AGFG1: variants seen among roughly 807,000 people sequenced by gnomAD.
The protein encoded by AGFG1 is ArfGAP with FG repeats 1, also known as arf-GAP domain and FG repeat-containing protein 1.
In AGFG1, 10 loss-of-function variants were observed where a neutral mutation model predicts 60.6. The ratio of observed to expected loss-of-function variants is 0.16; its 90% CI spans 0.10 to 0.28. AGFG1 has a LOEUF of 0.28. Ranked by LOEUF, AGFG1 falls within the 10% of genes least tolerant of loss-of-function variation. The pLI is 1.00. For synonymous variants in AGFG1, 247 were observed against 242.9 expected, an observed-to-expected ratio of 1.02 and a Z score of -0.16; for missense variants, 537 against 676.5, an observed-to-expected ratio of 0.79 and a Z score of 2.29.
intron 2 of AGFG1, among the ~76,000 whole-genome samples, chr2:227,517,133 T>A (rs1157999219): frequency 1.3e-5 from 2 of 152,202 alleles, no homozygotes; most frequent in African/African-American, 4.8e-5. Flanking sequence ...TGTCTGTACT[T>A]CTCAGGCGTT....
At chr2:227,510,392 C>T (rs879344510) in intron 2 of AGFG1, among the ~76,000 whole-genome samples, 13 of 152,230 alleles carry the variant, frequency 8.5e-5, no homozygotes, top group Non-Finnish European at 1.2e-4. Context: ...TTCAAAACAA[C>T]GAGTCATCTG....
intron 2 of AGFG1, among the ~76,000 whole-genome samples, chr2:227,495,975 A>C (rs1027091916): frequency 1.3e-5 from 2 of 151,420 alleles, no homozygotes; most frequent in African/African-American, 4.8e-5. Context: ...AAAATTAGCC[A>C]GGCATGGTGG....
chr2:227,485,308 C>T (rs2106161486), intron 1 of AGFG1, among the ~76,000 whole-genome samples: 1 of 145,344 alleles, frequency 6.9e-6, no homozygotes, highest in East Asian at 2.2e-4. Flanking sequence ...GTGATCTTAG[C>T]TCACTGCAAC....
At chr2:227,517,340 A>G (rs1559182945) in intron 2 of AGFG1, among the ~76,000 whole-genome samples, 1 of 152,210 alleles carries the variant, frequency 6.6e-6, no homozygotes, top group East Asian at 1.9e-4. Flanking sequence ...ATCTCGGCTC[A>G]CTGCAACCTC....
chr2:227,477,047 G>A (rs939890151), intron 1 of AGFG1, among the ~76,000 whole-genome samples: 4 of 151,634 alleles, frequency 2.6e-5, no homozygotes, highest in Admixed American at 6.6e-5. Context: ...GATTACAGGC[G>A]CCCGCCACCA....
At chr2:227,477,943 TTGTTTTATGGC>T (rs1690334115) in intron 1 of AGFG1, among the ~76,000 whole-genome samples, 1 of 152,114 alleles carries the variant, frequency 6.6e-6, no homozygotes, top group Non-Finnish European at 1.5e-5. Context: ...TCATAAATGT[TTGTTTTATGGC>T]TGTGTCATGC....
chr2:227,491,745 A>G, intron 2 of AGFG1, 105 bp downstream of exon 2: 1 of 614,584 alleles, frequency 1.6e-6, no homozygotes, highest in Non-Finnish European at 2.7e-6. Context: ...CGGTCTAAAT[A>G]AGTTATTTTT....
At position 227,472,269 on chromosome 2, in the gene AGFG1, T is replaced by G; in HGVS notation, c.-153T>G. ...AGCGCCCGGGCCGCGTCGAGCCCAG[T>G]ACAGCCAAGCCGCTGCGGCCGGGTC... On this transcript the variant is annotated 5_prime_UTR_variant, in exon 1 of 13. Transcript: ENST00000310078. 3.2e-6 allele frequency: 1 copy of G among 311,680 alleles called. No homozygotes were observed. Among genetic ancestry groups the G allele is most frequent in the Non-Finnish European group, 4.7e-6 (1 of 214,348 alleles). The allele number at this position is 311,680 out of a possible 1,614,324, so 19.3% of individuals were successfully genotyped here.
At chr2:227,550,969 C>T (rs1442105427) in intron 10 of AGFG1, among the ~76,000 whole-genome samples, 2 of 152,110 alleles carry the variant, frequency 1.3e-5, no homozygotes, top group Admixed American at 1.3e-4. Context: ...CTTCCTAAAA[C>T]ACATAGTTGG....
At chr2:227,546,343 G>A (rs1692646044) in intron 10 of AGFG1, among the ~76,000 whole-genome samples, 1 of 152,254 alleles carries the variant, frequency 6.6e-6, no homozygotes, top group African/African-American at 2.4e-5. Context: ...CTTTGGCAAA[G>A]TGCAGTATTA....
intron 1 of AGFG1, among the ~76,000 whole-genome samples, chr2:227,476,475 G>A (rs1410992627): frequency 6.6e-6 from 1 of 152,116 alleles, no homozygotes; most frequent in East Asian, 1.9e-4. Context: ...TTCAGTGAGG[G>A]TTTAGATAAA....
chr2:227,518,391 T>C (rs891004499), intron 2 of AGFG1, among the ~76,000 whole-genome samples: 28 of 152,334 alleles, frequency 1.8e-4, no homozygotes, highest in Admixed American at 1.8e-3. Flanking sequence ...TCCAAAGTGC[T>C]TACACCATTT....
At chr2:227,552,394 G>A (rs562872015) in intron 11 of AGFG1, among the ~76,000 whole-genome samples, 3 of 152,138 alleles carry the variant, frequency 2.0e-5, no homozygotes, top group East Asian at 1.9e-4. Flanking sequence ...TGATTATTTC[G>A]TCTTACATGT....
intron 2 of AGFG1, among the ~76,000 whole-genome samples, chr2:227,504,416 C>T (rs1691250786): frequency 6.6e-6 from 1 of 152,106 alleles, no homozygotes; most frequent in African/African-American, 2.4e-5. Context: ...TGGTCTCTAA[C>T]TTTTGGGCCC....
In AGFG1 at chr2:227,557,938, T is replaced by C. The variant is rs1474259323; in HGVS notation, c.*3443T>C. On this transcript the variant is annotated 3_prime_UTR_variant, in exon 13 of 13. Coordinates refer to ENST00000310078, the MANE Select transcript of AGFG1 (RefSeq NM_004504.5). ...GGACCATTAAGGGTCTCCAGACTCTTTGAGAACCACTATACTTTAAATTTG... is the reference window on the plus strand; with the variant it reads ...GGACCATTAAGGGTCTCCAGACTCTCTGAGAACCACTATACTTTAAATTTG... 2 of 152,242 alleles carry C rather than the reference T, an allele frequency of 1.3e-5. No individual in the cohort carries two copies. Among genetic ancestry groups the C allele is most frequent in the Non-Finnish European group, 2.9e-5 (2 of 68,044 alleles). 9.4% of individuals were successfully genotyped at this position (152,242 alleles called of 1,614,324 possible). A position where few individuals can be genotyped will look rare whatever the true frequency, so the allele number is the denominator to read the frequency against.
At chr2:227,474,196 G>A (rs761927313) in intron 1 of AGFG1, among the ~76,000 whole-genome samples, 2 of 152,172 alleles carry the variant, frequency 1.3e-5, no homozygotes, top group Non-Finnish European at 1.5e-5. Context: ...TGTTACTTAC[G>A]TTGGACAATA....
chr2:227,489,460 G>A (rs1690737243), intron 1 of AGFG1, among the ~76,000 whole-genome samples: 1 of 151,912 alleles, frequency 6.6e-6, no homozygotes, highest in Non-Finnish European at 1.5e-5. Context: ...GACCTCAAGT[G>A]ATATGCCCAC....
rs1301958711 is a variant in AGFG1 at position 227,524,793 on chromosome 2, A to G, written c.572A>G (p.Gln191Arg). The G allele has an allele frequency of 1.2e-6, 2 of 1,614,066 alleles. No individual in the cohort carries two copies. The highest frequency in any genetic ancestry group is 3.3e-5 in the Admixed American group (2 of 60,004). ...SPVVGRSQGQ[Q>R]QEKKQFDLLS... is the part of the protein sequence containing the mutation. The stretch of plus-strand genomic sequence containing the variant: ...GTTGTAGGTCGTTCTCAAGGGCAGC[A>G]GCAGGAGAAGAAGCAATTTGACCTT... Residue 191 changes from glutamine to arginine, a missense_variant, in exon 5 of 13, where the codon CAG becomes CGG. Gln to Arg is a conservative substitution (Grantham distance 43). This residue lies in a region of AGFG1 where 102 missense variants were observed against 82.9 expected (regional missense o/e 1.23). Coordinates refer to ENST00000310078, the MANE Select transcript of AGFG1 (RefSeq NM_004504.5).
In AGFG1 at chr2:227,524,720, G is replaced by A. The variant is rs1000815625; in HGVS notation, c.541-42G>A. The A allele has an allele frequency of 5.0e-6, 8 of 1,603,034 alleles. No individual in the cohort carries two copies. In the African/African-American group the frequency reaches 6.7e-5, roughly 13 times the overall value. The stretch of plus-strand genomic sequence containing the variant: ...GATAGTTTTGTATAAAGATTTTGCA[G>A]ATCCGACTGGAATATCTTTATAGTT... On this transcript the variant is annotated intron_variant, in intron 4 of 12. Transcript: ENST00000310078.
Sources: gnomAD v4.1 joint callset for allele counts (sites outside exome capture counted in the v4.1 genomes callset) on GRCh38, gnomAD v4.1.1 for gene constraint, gnomAD v4.1.1 regional missense constraint, MANE v1.5 for transcripts, NCBI Gene and HGNC (gene_info 2026-07-23, HGNC 2026-07-21) for gene names.